BBS9: variants seen among roughly 807,000 people sequenced by gnomAD.
The protein encoded by BBS9 is protein PTHB1.
BBS9 carries 89 observed loss-of-function variants against 117.7 expected under a neutral mutation model. That is an observed-to-expected ratio of 0.76 (90% confidence interval 0.64 to 0.90). BBS9 has a LOEUF of 0.90. BBS9 is among the 40% of genes least tolerant of loss of function. The pLI is 0.00. For synonymous variants in BBS9, 379 were observed against 370.9 expected (o/e 1.02, Z -0.25); for missense variants, 982 against 1,042.2 (o/e 0.94, Z 0.80).
chr7:33,191,195 T>A (rs1255401687), intron 5 of BBS9, among the ~76,000 whole-genome samples: 5 of 152,114 alleles, frequency 3.3e-5, no homozygotes, highest in Admixed American at 1.3e-4. Flanking sequence ...TGCTCAGGGT[T>A]TGTTTTACCT....
At chr7:33,490,618 C>G (rs1304697125) in intron 19 of BBS9, among the ~76,000 whole-genome samples, 1 of 152,192 alleles carries the variant, frequency 6.6e-6, no homozygotes, top group Non-Finnish European at 1.5e-5. Flanking sequence ...AGCCAAATTT[C>G]TTCCTCCATT....
chr7:33,258,644 C>T (rs1797472015), intron 6 of BBS9, among the ~76,000 whole-genome samples: 1 of 152,034 alleles, frequency 6.6e-6, no homozygotes, highest in Non-Finnish European at 1.5e-5. Flanking sequence ...TTACTCAAGC[C>T]TGCCAAACTT....
At chr7:33,172,655 T>C (rs1796766932) in intron 4 of BBS9, among the ~76,000 whole-genome samples, 4 of 152,262 alleles carry the variant, frequency 2.6e-5, no homozygotes, top group Admixed American at 2.6e-4. Flanking sequence ...AGTTTTCCTT[T>C]TCCCTATTTG....
chr7:33,574,694 C>CACACACACACAT (rs1327374450), intron 21 of BBS9, among the ~76,000 whole-genome samples: 167 of 138,114 alleles, frequency 1.2e-3, no homozygotes, highest in African/African-American at 4.7e-3. Flanking sequence ...AACACACACA[C>CACACACACACAT]ACACACACAC....
At chr7:33,376,916 G>A (rs1228537827) in intron 17 of BBS9, among the ~76,000 whole-genome samples, 1 of 151,698 alleles carries the variant, frequency 6.6e-6, no homozygotes, top group Non-Finnish European at 1.5e-5. Flanking sequence ...TGGTAAATTT[G>A]TGTAAGTTCC....
intron 9 of BBS9, among the ~76,000 whole-genome samples, chr7:33,310,563 A>G (rs1248400559): frequency 6.6e-6 from 1 of 152,210 alleles, no homozygotes; most frequent in Non-Finnish European, 1.5e-5. Flanking sequence ...TTACCAGGAT[A>G]ACAGGCATTA....
chr7:33,421,970 C>A (rs1832918779), intron 19 of BBS9, among the ~76,000 whole-genome samples: 1 of 151,836 alleles, frequency 6.6e-6, no homozygotes, highest in Non-Finnish European at 1.5e-5. Context: ...ATAAACAATA[C>A]CCTAATTGCA....
In BBS9 at chr7:33,559,746, A is replaced by C. The variant is rs115281159; in HGVS notation, c.2521+25570A>C. On this transcript the variant is annotated intron_variant, in intron 21 of 22. Coordinates refer to ENST00000242067, the MANE Select transcript of BBS9 (RefSeq NM_198428.3). ...TCATTGCCTTCACAATAAACTCCTA[A>C]TTATCTGCCACGACTCGTGAGTCCC... is the stretch of plus-strand genomic sequence containing the variant. Among the ~76,000 whole-genome samples, 271 of 152,186 alleles carry C rather than the reference A, an allele frequency of 1.8e-3. 2 individuals carry two copies. Among genetic ancestry groups the C allele is most frequent in the African/African-American group, 6.4e-3 (266 of 41,532 alleles).
At chr7:33,542,699 A>ATG (rs200416682) in intron 21 of BBS9, among the ~76,000 whole-genome samples, 5,009 of 145,724 alleles carry the variant, frequency 0.034, 93 homozygotes, top group Middle Eastern at 0.048. Flanking sequence ...CATTATATAT[A>ATG]TGTGTGTGTG....
At chr7:33,402,351 A>G (rs933067614) in intron 19 of BBS9, among the ~76,000 whole-genome samples, 2 of 152,156 alleles carry the variant, frequency 1.3e-5, no homozygotes, top group African/African-American at 2.4e-5. Context: ...AAAAGAACGC[A>G]GCTTTATTGA....
intron 19 of BBS9, among the ~76,000 whole-genome samples, chr7:33,453,477 G>A (rs924036208): frequency 6.6e-6 from 1 of 151,114 alleles, no homozygotes; most frequent in Non-Finnish European, 1.5e-5. Context: ...CCTTTATGAT[G>A]ATCTACTTCC....
At chr7:33,148,662 CTT>C (rs554496476) in intron 2 of BBS9, among the ~76,000 whole-genome samples, 74 of 132,840 alleles carry the variant, frequency 5.6e-4, no homozygotes, top group Non-Finnish European at 5.5e-4. Flanking sequence ...TGCACCTGGC[CTT>C]TTTTTTTTTT....
At chr7:33,512,294 G>A (rs1043490972) in intron 20 of BBS9, among the ~76,000 whole-genome samples, 2 of 152,148 alleles carry the variant, frequency 1.3e-5, no homozygotes, top group African/African-American at 2.4e-5. Context: ...TAGGATAGAA[G>A]TCAAGTAGAA....
At chr7:33,585,784 C>G (rs937854096) in intron 21 of BBS9, among the ~76,000 whole-genome samples, 2 of 151,992 alleles carry the variant, frequency 1.3e-5, no homozygotes, top group Non-Finnish European at 2.9e-5. Context: ...TGTAGATAAT[C>G]TGTACATTCC....
At chr7:33,603,301 C>G (rs1446326731) in intron 21 of BBS9, among the ~76,000 whole-genome samples, 1 of 151,972 alleles carries the variant, frequency 6.6e-6, no homozygotes, top group Non-Finnish European at 1.5e-5. Flanking sequence ...TCTTTCTGCT[C>G]TTCCCTGTCA....
At chr7:33,248,747 G>A (rs905556915) in intron 5 of BBS9, among the ~76,000 whole-genome samples, 10 of 151,784 alleles carry the variant, frequency 6.6e-5, no homozygotes, top group African/African-American at 2.4e-4. Flanking sequence ...TTTTTTTTCC[G>A]TGCATGCGTA....
At chr7:33,274,994 CA>C (rs763041758) in intron 9 of BBS9, among the ~76,000 whole-genome samples, 1,448 of 58,670 alleles carry the variant, frequency 0.025, 5 homozygotes, top group African/African-American at 0.052. Flanking sequence ...GACTGTGTCT[CA>C]AAAAAAAAAA....
chr7:33,454,954 A>G (rs893057622), intron 19 of BBS9, among the ~76,000 whole-genome samples: 5 of 152,186 alleles, frequency 3.3e-5, no homozygotes, highest in African/African-American at 1.2e-4. Context: ...TTTCTGGTGT[A>G]AGAGCAGTTC....
At position 33,177,140 on chromosome 7, in the gene BBS9, C is replaced by T. The variant is rs535542211; in HGVS notation, c.329-338C>T. Reference sequence around the variant, plus strand: ...TTTGCTCTATTAATGTTTATAAATGCAGAGAACTTATTTATTTCAGATCTG... The same window carrying T: ...TTTGCTCTATTAATGTTTATAAATGTAGAGAACTTATTTATTTCAGATCTG... On this transcript the variant is annotated intron_variant, in intron 4 of 22. Transcript: ENST00000242067. 2.8e-4 allele frequency among the ~76,000 whole-genome samples: 43 copies of T among 152,038 alleles called. 2 individuals carry two copies. Among genetic ancestry groups the T allele is most frequent in the Non-Finnish European group, 1.0e-4 (7 of 67,960 alleles).
Sources: gnomAD v4.1 joint callset for allele counts (sites outside exome capture counted in the v4.1 genomes callset) on GRCh38, gnomAD v4.1.1 for gene constraint, MANE v1.5 for transcripts, NCBI Gene and HGNC (gene_info 2026-07-23, HGNC 2026-07-21) for gene names.